Variants in ARHGAP15 observed in about 807,000 individuals in gnomAD.
ARHGAP15 encodes Rho GTPase activating protein 15.
In ARHGAP15, 51 loss-of-function variants were observed where a neutral mutation model predicts 63.7. That is an observed-to-expected ratio of 0.80 (90% CI 0.64 to 1.01). The LOEUF is 1.01. Among genes scored for constraint, ARHGAP15 ranks in the 50% least tolerant of loss-of-function variants. The pLI, the probability that ARHGAP15 is intolerant of heterozygous loss-of-function variation, is 0.00. For synonymous variants in ARHGAP15, 191 were observed against 193.8 expected (o/e 0.99, Z 0.12); for missense variants, 560 against 564.6 (o/e 0.99, Z 0.08).
Position 143,458,697 on chromosome 2 carries a change from C to T in ARHGAP15, c.703+21655C>T, listed in dbSNP as rs190574762. Among the ~76,000 whole-genome samples the T allele has an allele frequency of 3.3e-3, 509 of 152,256 alleles. 6 individuals are homozygous for T. The highest frequency in any genetic ancestry group is 0.012 in the African/African-American group (483 of 41,534). ...TAGTGAGGAGAAAATTTATTCCCTC[C>T]TTTATAATGTTTTCCTCTCCTTTGC... On this transcript the variant is annotated intron_variant, in intron 8 of 13. Coordinates refer to ENST00000295095, the MANE Select transcript of ARHGAP15 (RefSeq NM_018460.4).
At chr2:143,236,707 A>G (rs1693666701) in intron 5 of ARHGAP15, 1 of 152,208 alleles carries the variant, frequency 6.6e-6, no homozygotes, top group Non-Finnish European at 1.5e-5. Context: ...TTTGATGTAA[A>G]AGGGGGCAAA....
At chr2:143,314,636 A>G (rs1683612205) in intron 6 of ARHGAP15, 1 of 152,232 alleles carries the variant, frequency 6.6e-6, no homozygotes, top group South Asian at 2.1e-4. Flanking sequence ...TAGGAAGCTT[A>G]TACATCTCTT....
At chr2:143,562,004 G>A (rs962246775) in intron 11 of ARHGAP15, among the ~76,000 whole-genome samples, 2 of 151,988 alleles carry the variant, frequency 1.3e-5, no homozygotes, top group African/African-American at 2.4e-5. Flanking sequence ...TTATGGTCTC[G>A]TAGATATCTT....
chr2:143,746,220 TTTCACA>T (rs1351376424), intron 13 of ARHGAP15, among the ~76,000 whole-genome samples: 5 of 152,184 alleles, frequency 3.3e-5, no homozygotes, highest in Admixed American at 6.6e-5. Context: ...CCTAAAGTAA[TTTCACA>T]CTCTCATAAA....
Position 143,402,315 on chromosome 2 carries a change from A to T in ARHGAP15, c.475-33286A>T, listed in dbSNP as rs564051799. Among the ~76,000 whole-genome samples the T allele has an allele frequency of 2.7e-4, 41 of 152,074 alleles. 1 individual carries two copies. In the South Asian group the frequency reaches 5.0e-3, roughly 18 times the overall value. On this transcript the variant is annotated intron_variant, in intron 6 of 13. Transcript: ENST00000295095. ...AACAAAAGAACTGACTTATTCAGTCAGGCCATGTAGGATTAAAGAGAGAAT... is the reference window on the plus strand; with the variant it reads ...AACAAAAGAACTGACTTATTCAGTCTGGCCATGTAGGATTAAAGAGAGAAT...
intron 8 of ARHGAP15, among the ~76,000 whole-genome samples, chr2:143,464,324 A>C (rs1003389893): frequency 3.9e-5 from 6 of 152,168 alleles, no homozygotes; most frequent in Non-Finnish European, 7.3e-5. Context: ...GACCTAGTAA[A>C]GTAGATATAA....
intron 6 of ARHGAP15, among the ~76,000 whole-genome samples, chr2:143,363,449 T>A (rs1046018228): frequency 1.3e-5 from 2 of 152,096 alleles, no homozygotes; most frequent in African/African-American, 4.8e-5. Flanking sequence ...GAGCCGAGAT[T>A]GAGCCACTGC....
chr2:143,586,182 G>A (rs1256534256), intron 11 of ARHGAP15, among the ~76,000 whole-genome samples: 1 of 152,026 alleles, frequency 6.6e-6, no homozygotes, highest in East Asian at 1.9e-4. Flanking sequence ...GTGCTGCCTG[G>A]AACACCATAT....
At chr2:143,147,327 A>G (rs1689631698) in intron 1 of ARHGAP15, among the ~76,000 whole-genome samples, 1 of 151,992 alleles carries the variant, frequency 6.6e-6, no homozygotes, top group Non-Finnish European at 1.5e-5. Context: ...TAAGATAGTC[A>G]CCCTGTTTTC....
chr2:143,585,176 T>C (rs1697063920), intron 11 of ARHGAP15, among the ~76,000 whole-genome samples: 1 of 152,176 alleles, frequency 6.6e-6, no homozygotes, highest in South Asian at 2.1e-4. Flanking sequence ...CTCCATGCCG[T>C]TTCTTGTAAT....
At chr2:143,152,996 T>C (rs2105004375) in intron 1 of ARHGAP15, among the ~76,000 whole-genome samples, 1 of 151,950 alleles carries the variant, frequency 6.6e-6, no homozygotes, top group Non-Finnish European at 1.5e-5. Flanking sequence ...AAAACAGAGG[T>C]GGGGAAGCCA....
At chr2:143,685,166 G>A (rs940970320) in intron 12 of ARHGAP15, among the ~76,000 whole-genome samples, 1 of 152,004 alleles carries the variant, frequency 6.6e-6, no homozygotes, top group Non-Finnish European at 1.5e-5. Flanking sequence ...GCATTTGCTC[G>A]GGAGAGGGGG....
intron 8 of ARHGAP15, among the ~76,000 whole-genome samples, chr2:143,483,975 TC>T (rs1395699289): frequency 2.0e-5 from 3 of 152,062 alleles, no homozygotes; most frequent in Non-Finnish European, 4.4e-5. Context: ...GACCTGTAAT[TC>T]CAGCACTTTG....
At chr2:143,671,789 A>G (rs1337479033) in intron 12 of ARHGAP15, among the ~76,000 whole-genome samples, 1 of 152,168 alleles carries the variant, frequency 6.6e-6, no homozygotes, top group African/African-American at 2.4e-5. Context: ...AGCATATTCA[A>G]CTGTCTCCTA....
intron 6 of ARHGAP15, among the ~76,000 whole-genome samples, chr2:143,404,843 G>A (rs777232810): frequency 6.6e-6 from 1 of 151,952 alleles, no homozygotes; most frequent in South Asian, 2.1e-4. Context: ...AACGGGACTC[G>A]TGATCATGCT....
At chr2:143,452,186 C>T (rs1690436986) in intron 8 of ARHGAP15, among the ~76,000 whole-genome samples, 1 of 151,958 alleles carries the variant, frequency 6.6e-6, no homozygotes, top group Non-Finnish European at 1.5e-5. Context: ...GCAATTAATC[C>T]AGACACAATC....
In ARHGAP15 at chr2:143,469,426, C is replaced by T. The variant is rs187511543; in HGVS notation, c.704-17947C>T. Among the ~76,000 whole-genome samples the T allele has an allele frequency of 1.3e-3, 194 of 152,294 alleles. 1 individual carries two copies. The highest frequency in any genetic ancestry group is 4.6e-3 in the African/African-American group (191 of 41,556). ...TTTAAAACTTTTTCTTCTTATACAC[C>T]CCTGCCCACTGCCATAGTGAGCCTA... On this transcript the variant is annotated intron_variant, in intron 8 of 13. Transcript: ENST00000295095.
chr2:143,737,987 A>T (rs1685817777), intron 13 of ARHGAP15, among the ~76,000 whole-genome samples: 1 of 151,966 alleles, frequency 6.6e-6, no homozygotes, highest in African/African-American at 2.4e-5. Flanking sequence ...CAAACTCCTG[A>T]CCTCAGGTGA....
intron 6 of ARHGAP15, among the ~76,000 whole-genome samples, chr2:143,262,519 G>A (rs537020154): frequency 7.1e-6 from 1 of 141,194 alleles, no homozygotes; most frequent in African/African-American, 2.8e-5. Context: ...TTGTATATGC[G>A]GGGTCTGAAC....
Sources: allele counts gnomAD v4.1 joint callset (sites outside exome capture counted in the v4.1 genomes callset), GRCh38; gene constraint gnomAD v4.1.1; transcripts MANE v1.5; gene names NCBI Gene and HGNC (gene_info 2026-07-23, HGNC 2026-07-21).